The following CCDC6 variants were observed in gnomAD, a reference collection of about 807,000 sequenced individuals.
CCDC6 encodes the protein coiled-coil domain-containing protein 6.
CCDC6 carries 20 observed loss-of-function variants against 56.6 expected under a neutral mutation model. The observed-to-expected ratio is 0.35, with a 90% CI of 0.25 to 0.51. The LOEUF (loss-of-function observed/expected upper bound fraction) is 0.51, where lower values mean the gene tolerates loss of function less well. Among genes scored for constraint, CCDC6 ranks in the 20% least tolerant of loss-of-function variants. CCDC6 has a pLI of 0.95. For missense variants in CCDC6, 367 were observed against 601.1 expected (o/e 0.61, Z 4.07); for synonymous variants, 241 against 234.4 (o/e 1.03, Z -0.26).
Position 59,812,620 on chromosome 10 carries a change from C to A in CCDC6, c.847+15G>T. 6.3e-7 allele frequency: 1 copy of A among 1,588,238 alleles called. No individual in the cohort carries two copies. ...TTCTACAGGCATGAAACTAGTGAAA[C>A]CAGAGGCTACGTACGCTGTAACTGA... On this transcript the variant is annotated intron_variant, in intron 5 of 8. Coordinates refer to ENST00000263102, the MANE Select transcript of CCDC6 (RefSeq NM_005436.5).
intron 1 of CCDC6, among the ~76,000 whole-genome samples, chr10:59,904,751 T>C (rs1424158980): frequency 6.6e-6 from 1 of 152,230 alleles, no homozygotes; most frequent in Non-Finnish European, 1.5e-5. Context: ...AAAGTTTCTT[T>C]TTACAATCAA....
intron 1 of CCDC6, among the ~76,000 whole-genome samples, chr10:59,877,961 A>C (rs2071298859): frequency 6.6e-6 from 1 of 152,204 alleles, no homozygotes. Context: ...ATCCTGTAAA[A>C]GTGTTTTCAA....
intron 1 of CCDC6, among the ~76,000 whole-genome samples, chr10:59,886,181 T>C (rs1326431339): frequency 1.3e-5 from 2 of 151,960 alleles, no homozygotes; most frequent in Admixed American, 1.3e-4. Flanking sequence ...CAGAGTAAAA[T>C]AAAACCACCA....
At chr10:59,846,176 A>G (rs1047634714) in intron 2 of CCDC6, among the ~76,000 whole-genome samples, 1 of 152,186 alleles carries the variant, frequency 6.6e-6, no homozygotes, top group Admixed American at 6.5e-5. Context: ...CTCTAGAAAA[A>G]AAAGAATCCA....
chr10:59,858,768 A>G (rs2071099943), intron 1 of CCDC6, among the ~76,000 whole-genome samples: 1 of 152,244 alleles, frequency 6.6e-6, no homozygotes, highest in Non-Finnish European at 1.5e-5. Context: ...TTGGATACAG[A>G]GCAATGAAAA....
chr10:59,806,826 T>C, intron 6 of CCDC6, 96 bp downstream of exon 6: 2 of 1,091,864 alleles, frequency 1.8e-6, no homozygotes, highest in Non-Finnish European at 2.6e-6. Context: ...ATTTAAGCCA[T>C]CCCCTTATAC....
Position 59,798,724 on chromosome 10 carries a change from G to C in CCDC6, c.1106-4127C>G, listed in dbSNP as rs903798030. Among the ~76,000 whole-genome samples the C allele has an allele frequency of 6.6e-5, 10 of 152,306 alleles. No individual in the cohort carries two copies. In the South Asian group the frequency reaches 1.9e-3, roughly 28 times the overall value. ...AAAATATAAAAGTGGGCTGGACGTG[G>C]TGGCTCACGCCTGTAATCCCACCAC... On this transcript the variant is annotated intron_variant, in intron 7 of 8. Coordinates refer to ENST00000263102, the MANE Select transcript of CCDC6 (RefSeq NM_005436.5).
chr10:59,884,558 G>T (rs1271580942), intron 1 of CCDC6, among the ~76,000 whole-genome samples: 1 of 152,038 alleles, frequency 6.6e-6, no homozygotes, highest in Non-Finnish European at 1.5e-5. Flanking sequence ...AGTGCGCCCA[G>T]TTCCCAGAAT....
intron 1 of CCDC6, among the ~76,000 whole-genome samples, chr10:59,868,568 C>G (rs1207834020): frequency 6.6e-6 from 1 of 152,160 alleles, no homozygotes; most frequent in Non-Finnish European, 1.5e-5. Flanking sequence ...GCCTTTTGAA[C>G]CTGGTGCCCT....
chr10:59,861,197 T>C (rs771944960), intron 1 of CCDC6, among the ~76,000 whole-genome samples: 1 of 151,494 alleles, frequency 6.6e-6, no homozygotes, highest in African/African-American at 2.4e-5. Flanking sequence ...AAAAATAAAT[T>C]TAAAAAAAAT....
At chr10:59,868,659 T>C (rs894681018) in intron 1 of CCDC6, among the ~76,000 whole-genome samples, 1 of 152,230 alleles carries the variant, frequency 6.6e-6, no homozygotes, top group Admixed American at 6.5e-5. Flanking sequence ...TTCTCTTTCA[T>C]GGCTCACTGT....
At position 59,903,947 on chromosome 10, in the gene CCDC6, G is replaced by A. The variant is rs1395373207; in HGVS notation, c.303+2175C>T. Among the ~76,000 whole-genome samples the A allele has an allele frequency of 1.3e-5, 2 of 152,150 alleles. 1 individual carries two copies. The highest frequency in any genetic ancestry group is 4.8e-5 in the African/African-American group (2 of 41,422). On this transcript the variant is annotated intron_variant, in intron 1 of 8. Coordinates refer to ENST00000263102, the MANE Select transcript of CCDC6 (RefSeq NM_005436.5). ...GATCCTAGGTCAGTTAACAAAACCT[G>A]CAAAATCTTGAAGGAATCTGTTTTC...
chr10:59,863,391 T>C (rs2071151214), intron 1 of CCDC6, among the ~76,000 whole-genome samples: 1 of 152,264 alleles, frequency 6.6e-6, no homozygotes, highest in Non-Finnish European at 1.5e-5. Flanking sequence ...ATTTTCCCTC[T>C]TAGAATTCAT....
At chr10:59,794,349 G>C (rs2070494678) in intron 8 of CCDC6, 124 bp downstream of exon 8, 16 of 923,052 alleles carry the variant, frequency 1.7e-5, no homozygotes, top group Non-Finnish European at 2.5e-5. Context: ...ACAGTTTCAA[G>C]GTGAACGGAT....
intron 1 of CCDC6, among the ~76,000 whole-genome samples, chr10:59,854,475 G>A (rs2071064095): frequency 6.6e-6 from 1 of 152,184 alleles, no homozygotes; most frequent in African/African-American, 2.4e-5. Context: ...CCATTCTGGG[G>A]TAGTCCAAGA....
chr10:59,834,665 G>T (rs1393709451), intron 2 of CCDC6, among the ~76,000 whole-genome samples: 1 of 152,022 alleles, frequency 6.6e-6, no homozygotes, highest in Non-Finnish European at 1.5e-5. Context: ...AACTGTTTTT[G>T]ATGTTCAAGG....
chr10:59,811,739 T>G (rs1564739610), intron 5 of CCDC6, among the ~76,000 whole-genome samples: 1 of 152,146 alleles, frequency 6.6e-6, no homozygotes, highest in Non-Finnish European at 1.5e-5. Context: ...CTTCCACATG[T>G]ACAGGTTTGA....
chr10:59,901,886 G>A (rs1340405282), intron 1 of CCDC6, among the ~76,000 whole-genome samples: 1 of 151,966 alleles, frequency 6.6e-6, no homozygotes, highest in African/African-American at 2.4e-5. Context: ...AACAGATCTG[G>A]CCTAACATAC....
intron 6 of CCDC6, chr10:59,805,056 C>T (rs995667503): frequency 6.4e-6 from 1 of 155,756 alleles, no homozygotes; most frequent in African/African-American, 2.4e-5. Context: ...GAGTACTGAA[C>T]ACCTACAGCA....
Sources: allele counts gnomAD v4.1 joint callset (sites outside exome capture counted in the v4.1 genomes callset), GRCh38; gene constraint gnomAD v4.1.1; transcripts MANE v1.5; gene names NCBI Gene and HGNC (gene_info 2026-07-23, HGNC 2026-07-21).